The following MUSK variants were observed in gnomAD, a reference collection of about 807,000 sequenced individuals.
MUSK encodes muscle, skeletal receptor tyrosine-protein kinase.
In MUSK, 55 loss-of-function variants were observed where a neutral mutation model predicts 88.7. That is an observed-to-expected ratio of 0.62 (90% CI 0.50 to 0.78). The LOEUF is 0.78. Among genes scored for constraint, MUSK ranks in the 30% least tolerant of loss-of-function variants. The probability of loss-of-function intolerance (pLI) is 0.00; values close to 1 mark genes in which losing one functional copy is unlikely to be tolerated. For missense variants in MUSK, 1,015 were observed against 1,074.3 expected, an observed-to-expected ratio of 0.94 and a Z score of 0.77; for synonymous variants, 387 against 391.9, an observed-to-expected ratio of 0.99 and a Z score of 0.15.
rs1192566635 is a variant in MUSK, at chr9:110,695,548, TA to T, written c.486+22del. ...CTCTCAGGGTAAGTGGTTATGATGT[TA>T]AAACACATATATAAAATGTATTTTA... On this transcript the variant is annotated intron_variant, in intron 4 of 14. Coordinates refer to ENST00000374448, the MANE Select transcript of MUSK (RefSeq NM_005592.4). 4 of 1,514,160 alleles carry T rather than the reference TA, an allele frequency of 2.6e-6. No individual in the cohort carries two copies. Among genetic ancestry groups the T allele is most frequent in the Non-Finnish European group, 3.6e-6 (4 of 1,121,944 alleles). The allele number at this position is 1,514,160 out of a possible 1,614,324, so 93.8% of individuals were successfully genotyped here.
intron 14 of MUSK, 173 bp downstream of exon 14, chr9:110,788,011 C>A: frequency 1.5e-6 from 1 of 679,698 alleles, no homozygotes. Context: ...ACATTCATGG[C>A]TTAATGGATT....
At chr9:110,676,647 G>C (rs2076034404) in intron 1 of MUSK, among the ~76,000 whole-genome samples, 1 of 152,038 alleles carries the variant, frequency 6.6e-6, no homozygotes. Context: ...TGAAAACGTG[G>C]TGTTTGCTTT....
rs191232610 is a variant in MUSK, at chr9:110,669,517, G to A, written c.79+534G>A. 7.7e-4 allele frequency among the ~76,000 whole-genome samples: 117 copies of A among 152,296 alleles called. 1 individual carries two copies. The highest frequency in any genetic ancestry group is 2.5e-3 in the African/African-American group (106 of 41,582). ...ATTTGCCTGTGTAACAAACCCGGAAGACAATGGATTTTAAATAACTTTGAG... is the reference window on the plus strand; with the variant it reads ...ATTTGCCTGTGTAACAAACCCGGAAAACAATGGATTTTAAATAACTTTGAG... On this transcript the variant is annotated intron_variant, in intron 1 of 14. Coordinates refer to ENST00000374448, the MANE Select transcript of MUSK (RefSeq NM_005592.4).
chr9:110,690,189 T>TATAA (rs1254556152), intron 3 of MUSK, among the ~76,000 whole-genome samples: 2,248 of 73,832 alleles, frequency 0.03, 2 homozygotes, highest in Middle Eastern at 0.043. Context: ...TATATTTAAG[T>TATAA]ATATATAAAT....
At chr9:110,675,196 G>C (rs1454483381) in intron 1 of MUSK, among the ~76,000 whole-genome samples, 1 of 147,516 alleles carries the variant, frequency 6.8e-6, no homozygotes, top group Non-Finnish European at 1.5e-5. Flanking sequence ...GTGAATTCAA[G>C]TCCTGTGCCA....
intron 5 of MUSK, among the ~76,000 whole-genome samples, chr9:110,712,858 G>A: frequency 6.6e-6 from 1 of 151,904 alleles, no homozygotes. Context: ...CTTGAAAAGT[G>A]TTCAAATTCA....
intron 13 of MUSK, 49 bp downstream of exon 13, chr9:110,785,767 G>A: frequency 7.0e-7 from 1 of 1,431,732 alleles, no homozygotes. Context: ...TGTTATGTCT[G>A]AAAAGCTACC....
chr9:110,751,630 G>T (rs2077249027), intron 7 of MUSK, among the ~76,000 whole-genome samples: 1 of 152,184 alleles, frequency 6.6e-6, no homozygotes, highest in South Asian at 2.1e-4. Flanking sequence ...GCTTGACAAT[G>T]GCAGTGCGAT....
At chr9:110,693,922 A>G in intron 3 of MUSK, among the ~76,000 whole-genome samples, 1 of 152,144 alleles carries the variant, frequency 6.6e-6, no homozygotes, top group East Asian at 1.9e-4. Flanking sequence ...GAACCTGGCC[A>G]GTACTGTATT....
chr9:110,713,831 T>C (rs1179116770), intron 5 of MUSK, among the ~76,000 whole-genome samples: 1 of 152,194 alleles, frequency 6.6e-6, no homozygotes, highest in Non-Finnish European at 1.5e-5. Flanking sequence ...TTAACGCATG[T>C]CAGAGTGCAG....
chr9:110,681,071 TTA>T lies in MUSK; in HGVS notation c.80-1595_80-1594del, dbSNP rs1246046095. On this transcript the variant is annotated intron_variant, in intron 1 of 14. Transcript: ENST00000374448. Reference sequence around the variant, plus strand: ...TATATTATATATTATATATATAATATTATATATATTATATAATATATATTATA... The same window carrying T: ...TATATTATATATTATATATATAATATTATATATTATATAATATATATTATA... Among the ~76,000 whole-genome samples the T allele has an allele frequency of 1.6e-4, 5 of 30,312 alleles. 1 individual carries two copies. The highest frequency in any genetic ancestry group is 1.3e-3 in the East Asian group (2 of 1,496). 19.9% of individuals were successfully genotyped at this position (30,312 alleles called of 152,430 possible). A position where few individuals can be genotyped will look rare whatever the true frequency, so the allele number is the denominator to read the frequency against.
At chr9:110,731,223 A>G (rs541424623) in intron 5 of MUSK, among the ~76,000 whole-genome samples, 2 of 152,250 alleles carry the variant, frequency 1.3e-5, no homozygotes, top group South Asian at 4.1e-4. Flanking sequence ...TCATGTTAAA[A>G]AGCAAAGCAA....
At position 110,805,884 on chromosome 9, in the gene MUSK, G is replaced by C. The variant is rs1204538328; in HGVS notation, c.*4896G>C. 2.0e-5 allele frequency among the ~76,000 whole-genome samples: 3 copies of C among 151,826 alleles called. No individual in the cohort carries two copies. The highest frequency in any genetic ancestry group is 7.3e-5 in the African/African-American group (3 of 41,368). ...GTTTATCATTTTCATCTCTGTTAGAGTTTTGTATTGGCATTAGCATTTGTA... is the reference window on the plus strand; with the variant it reads ...GTTTATCATTTTCATCTCTGTTAGACTTTTGTATTGGCATTAGCATTTGTA... On this transcript the variant is annotated 3_prime_UTR_variant, in exon 15 of 15. Coordinates refer to ENST00000374448, the MANE Select transcript of MUSK (RefSeq NM_005592.4).
At chr9:110,779,086 G>A (rs574487967) in intron 11 of MUSK, among the ~76,000 whole-genome samples, 5 of 148,730 alleles carry the variant, frequency 3.4e-5, no homozygotes, top group African/African-American at 1.2e-4. Flanking sequence ...GTGTGTGTCT[G>A]TGTAAAACTC....
chr9:110,675,562 C>CTT lies in MUSK; in HGVS notation c.79+6603_79+6604dup, dbSNP rs10607243. 1.2e-3 allele frequency among the ~76,000 whole-genome samples: 75 copies of CTT among 61,618 alleles called. 1 individual carries two copies. The highest frequency in any genetic ancestry group is 4.1e-3 in the East Asian group (9 of 2,216). The allele number at this position is 61,618 out of a possible 152,430, so 40.4% of individuals were successfully genotyped here. On this transcript the variant is annotated intron_variant, in intron 1 of 14. Transcript: ENST00000374448. ...ATGTGTAGTTGCTCAATAGTCTTCC[C>CTT]TTTTTTTTTTTTTTTTTTTTTTTTT...
chr9:110,672,396 A>G (rs1379636309), intron 1 of MUSK, among the ~76,000 whole-genome samples: 1 of 152,166 alleles, frequency 6.6e-6, no homozygotes, highest in African/African-American at 2.4e-5. Context: ...CTTTCTTTAT[A>G]GTGCCCCTGA....
chr9:110,800,224 C>A, intron 14 of MUSK, 82 bp from the exon 15 acceptor site: 4 of 1,249,592 alleles, frequency 3.2e-6, no homozygotes, highest in South Asian at 2.9e-5. Context: ...TATGTTCTGA[C>A]ATGGTCGTTT....
chr9:110,701,434 C>A (rs1020581654), intron 5 of MUSK, among the ~76,000 whole-genome samples: 2 of 152,032 alleles, frequency 1.3e-5, no homozygotes, highest in Non-Finnish European at 2.9e-5. Flanking sequence ...CTTTAGGTAC[C>A]AAATACACCT....
At chr9:110,732,831 T>C (rs2076982741) in intron 5 of MUSK, among the ~76,000 whole-genome samples, 1 of 152,078 alleles carries the variant, frequency 6.6e-6, no homozygotes, top group Admixed American at 6.6e-5. Flanking sequence ...ATATCTAAAA[T>C]ATCAATATCA....
Sources: gnomAD v4.1 joint callset for allele counts (sites outside exome capture counted in the v4.1 genomes callset) on GRCh38, gnomAD v4.1.1 for gene constraint, MANE v1.5 for transcripts, NCBI Gene and HGNC (gene_info 2026-07-23, HGNC 2026-07-21) for gene names.